Variants in SFMBT1 observed in about 807,000 individuals in gnomAD.
The protein encoded by SFMBT1 is Scm like with four mbt domains 1.
In SFMBT1, 32 loss-of-function variants were observed where a neutral mutation model predicts 108.7. The ratio of observed to expected loss-of-function variants is 0.29; its 90% CI spans 0.22 to 0.40. SFMBT1 has a LOEUF of 0.40. SFMBT1 is among the 10% of genes least tolerant of loss of function. The pLI is 1.00. For synonymous variants in SFMBT1, 348 were observed against 369.5 expected (o/e 0.94, Z 0.67); for missense variants, 816 against 1,059.6 (o/e 0.77, Z 3.19).
At chr3:52,995,032 C>A (rs78223031) in intron 1 of SFMBT1, among the ~76,000 whole-genome samples, 2,830 of 132,944 alleles carry the variant, frequency 0.021, 131 homozygotes, top group African/African-American at 0.072. Context: ...GAAAAGAAAG[C>A]AAGAAAAAAA....
At chr3:53,026,770 A>C (rs1345461933) in intron 1 of SFMBT1, among the ~76,000 whole-genome samples, 2 of 152,118 alleles carry the variant, frequency 1.3e-5, no homozygotes, top group Non-Finnish European at 2.9e-5. Flanking sequence ...AGAAGGAGGC[A>C]GCGCTAAAGA....
intron 1 of SFMBT1, among the ~76,000 whole-genome samples, chr3:53,041,869 T>C (rs1199897282): frequency 6.6e-6 from 1 of 152,142 alleles, no homozygotes; most frequent in East Asian, 1.9e-4. Context: ...TAACTATGTA[T>C]ATACAGAAAT....
At chr3:52,913,711 T>C in intron 14 of SFMBT1, 94 bp from the exon 15 acceptor site, 2 of 1,277,140 alleles carry the variant, frequency 1.6e-6, no homozygotes, top group Non-Finnish European at 2.2e-6. Context: ...GAAGCACATG[T>C]ACCATTATAT....
intron 1 of SFMBT1, among the ~76,000 whole-genome samples, chr3:53,035,210 GATTTTATGTGA>G (rs1699830983): frequency 6.8e-6 from 1 of 146,526 alleles, no homozygotes; most frequent in African/African-American, 2.6e-5. Flanking sequence ...CCAAATGTGG[GATTTTATGTGA>G]CTAAAATCAA....
At chr3:53,034,070 CCAAAAAAAAA>C (rs1237067290) in intron 1 of SFMBT1, among the ~76,000 whole-genome samples, 1 of 68,274 alleles carries the variant, frequency 1.5e-5, no homozygotes, top group African/African-American at 4.7e-5. Flanking sequence ...AACTCTGTCT[CCAAAAAAAAA>C]AAAAAAAAAA....
intron 1 of SFMBT1, among the ~76,000 whole-genome samples, 184 bp from the exon 2 acceptor site, chr3:52,969,442 C>T (rs528248831): frequency 1.7e-4 from 26 of 152,160 alleles, no homozygotes; most frequent in African/African-American, 4.8e-4. Context: ...TGTATGTGTG[C>T]GCTCATGTGC....
chr3:52,916,574 G>T (rs760183740), intron 13 of SFMBT1, among the ~76,000 whole-genome samples: 1 of 151,302 alleles, frequency 6.6e-6, no homozygotes, highest in Non-Finnish European at 1.5e-5. Flanking sequence ...GAGGCTGAGG[G>T]AGGAGAATGG....
intron 1 of SFMBT1, among the ~76,000 whole-genome samples, chr3:53,023,218 C>G (rs1699373383): frequency 6.6e-6 from 1 of 152,140 alleles, no homozygotes; most frequent in Non-Finnish European, 1.5e-5. Flanking sequence ...GAGATCTAAT[C>G]TGGGACATGG....
chr3:53,042,413 C>T (rs1456143389), intron 1 of SFMBT1, among the ~76,000 whole-genome samples: 1 of 152,246 alleles, frequency 6.6e-6, no homozygotes, highest in Non-Finnish European at 1.5e-5. Context: ...AATCATAGCT[C>T]ACTGCAGCCT....
Position 52,907,148 on chromosome 3 carries a change from G to A in SFMBT1, c.2252C>T (p.Pro751Leu). Reference sequence around the variant, plus strand: ...CCTTTTTCTCCTTTGTCTATCTGGAGGCAGCGATGTGGATATCTCACTTTG... The same window carrying A: ...CCTTTTTCTCCTTTGTCTATCTGGAAGCAGCGATGTGGATATCTCACTTTG... Reference protein sequence around the residue: ...PTQSEISTSLPPDRQRRKREL... With the variant: ...PTQSEISTSLLPDRQRRKREL... The change falls in exon 19 of 21, where the codon CCT becomes CTT. Residue 751 changes from proline (P) to leucine (L), a missense_variant. Pro to Leu is a moderately conservative substitution (Grantham distance 98, BLOSUM62 -3). Around this residue, in one of 5 missense-constraint regions of SFMBT1, gnomAD observed 177 missense variants for 182.0 expected, o/e 0.97. Transcript: ENST00000394752. The A allele has an allele frequency of 1.9e-6, 3 of 1,614,184 alleles. No individual in the cohort carries two copies. The highest frequency in any genetic ancestry group is 2.5e-6 in the Non-Finnish European group (3 of 1,180,030).
At chr3:53,014,548 T>G (rs921105819) in intron 1 of SFMBT1, among the ~76,000 whole-genome samples, 1 of 152,024 alleles carries the variant, frequency 6.6e-6, no homozygotes, top group African/African-American at 2.4e-5. Flanking sequence ...ACCCAATGAA[T>G]CAACTAACAA....
At chr3:52,986,437 C>T (rs1348987642) in intron 1 of SFMBT1, among the ~76,000 whole-genome samples, 1 of 152,058 alleles carries the variant, frequency 6.6e-6, no homozygotes, top group Admixed American at 6.6e-5. Flanking sequence ...TGTAATAACA[C>T]ATAGCTTAAA....
At chr3:52,924,583 A>G (rs1702604560) in intron 10 of SFMBT1, among the ~76,000 whole-genome samples, 1 of 152,012 alleles carries the variant, frequency 6.6e-6, no homozygotes, top group African/African-American at 2.4e-5. Context: ...CGGAGGTTGC[A>G]GTGAGCTGAG....
At chr3:52,971,603 G>A (rs566792151) in intron 1 of SFMBT1, among the ~76,000 whole-genome samples, 88 of 152,302 alleles carry the variant, frequency 5.8e-4, no homozygotes, top group African/African-American at 1.9e-3. Flanking sequence ...GTGGGGTAAA[G>A]TAATCAAGAG....
chr3:52,990,030 T>C (rs757918427), intron 1 of SFMBT1, among the ~76,000 whole-genome samples: 8 of 152,340 alleles, frequency 5.3e-5, no homozygotes, highest in Non-Finnish European at 8.8e-5. Context: ...ACTGTTCGGA[T>C]ATATTCCAAA....
intron 2 of SFMBT1, among the ~76,000 whole-genome samples, chr3:52,965,995 G>A (rs1264717451): frequency 2.5e-5 from 2 of 81,132 alleles, no homozygotes. Context: ...GACAGAGCAA[G>A]ACTCCGTTTC....
intron 4 of SFMBT1, among the ~76,000 whole-genome samples, chr3:52,936,434 T>G (rs770031896): frequency 2.8e-4 from 43 of 152,376 alleles, no homozygotes; most frequent in Non-Finnish European, 5.7e-4. Context: ...AATTTCACTA[T>G]GAAGTCATAC....
At chr3:53,002,401 T>TAAAAAAA (rs36044342) in intron 1 of SFMBT1, among the ~76,000 whole-genome samples, 4 of 106,876 alleles carry the variant, frequency 3.7e-5, no homozygotes, top group African/African-American at 1.1e-4. Flanking sequence ...TCCGTCTCAA[T>TAAAAAAA]AAAAAAAAAA....
At chr3:52,906,385 ACC>A in intron 19 of SFMBT1, 144 bp from the exon 20 acceptor site, 1 of 1,127,786 alleles carries the variant, frequency 8.9e-7, no homozygotes, top group Non-Finnish European at 1.3e-6. Flanking sequence ...GATGGCAAAG[ACC>A]CACGTGCATC....
Sources: gnomAD v4.1 joint callset for allele counts (sites outside exome capture counted in the v4.1 genomes callset) on GRCh38, gnomAD v4.1.1 for gene constraint, gnomAD v4.1.1 regional missense constraint, MANE v1.5 for transcripts, NCBI Gene and HGNC (gene_info 2026-07-23, HGNC 2026-07-21) for gene names.